The following SULT2B1 variants were observed in gnomAD, a reference collection of about 807,000 sequenced individuals.
SULT2B1 encodes sulfotransferase 2B1.
SULT2B1 carries 16 observed loss-of-function variants against 33.2 expected under a neutral mutation model. The ratio of observed to expected loss-of-function variants is 0.48; its 90% confidence interval spans 0.33 to 0.73. The LOEUF is 0.73. Among genes scored for constraint, SULT2B1 ranks in the 30% least tolerant of loss-of-function variants. SULT2B1 has a pLI of 0.02. For synonymous variants in SULT2B1, 186 were observed against 200.5 expected (o/e 0.93, Z 0.61); for missense variants, 500 against 506.0 (o/e 0.99, Z 0.11).
At chr19:48,553,394 G>A (rs1287810394) in intron 1 of SULT2B1, among the ~76,000 whole-genome samples, 3 of 152,132 alleles carry the variant, frequency 2.0e-5, no homozygotes, top group African/African-American at 4.8e-5. Flanking sequence ...TGCAGCCTCC[G>A]CGTCCTGGGT....
chr19:48,578,709 T>C (rs891983334), intron 2 of SULT2B1, among the ~76,000 whole-genome samples: 2 of 151,762 alleles, frequency 1.3e-5, no homozygotes, highest in African/African-American at 4.8e-5. Flanking sequence ...AAACCCCGTG[T>C]CTACTAAAAA....
chr19:48,577,352 CTTTTTT>C (rs1209521675), intron 2 of SULT2B1, among the ~76,000 whole-genome samples: 9 of 30,646 alleles, frequency 2.9e-4, no homozygotes, highest in Admixed American at 5.4e-4. Context: ...ACTGAGCCGT[CTTTTTT>C]TTTTTTTTTT....
chr19:48,579,038 G>C (rs975620887), intron 2 of SULT2B1, among the ~76,000 whole-genome samples: 1 of 151,890 alleles, frequency 6.6e-6, no homozygotes, highest in Non-Finnish European at 1.5e-5. Context: ...TCTATTTTGG[G>C]CATTTCATGG....
At chr19:48,598,578 C>T (rs575085170) in intron 6 of SULT2B1, among the ~76,000 whole-genome samples, 5 of 152,104 alleles carry the variant, frequency 3.3e-5, no homozygotes, top group African/African-American at 1.2e-4. Flanking sequence ...AGCGAGACTC[C>T]ATCTCAAAAA....
chr19:48,572,401 T>C (rs1973343148), intron 1 of SULT2B1, among the ~76,000 whole-genome samples: 2 of 152,026 alleles, frequency 1.3e-5, no homozygotes, highest in Admixed American at 1.3e-4. Flanking sequence ...TAGTGCTAGC[T>C]ACTAGGGAGG....
intron 3 of SULT2B1, among the ~76,000 whole-genome samples, chr19:48,588,349 C>G (rs1973594046): frequency 6.6e-6 from 1 of 151,484 alleles, no homozygotes; most frequent in Non-Finnish European, 1.5e-5. Flanking sequence ...CCTGTCTCTA[C>G]TAAAAATACA....
intron 1 of SULT2B1, among the ~76,000 whole-genome samples, chr19:48,569,359 A>ATATATAT (rs1568405746): frequency 6.6e-4 from 10 of 15,084 alleles, no homozygotes; most frequent in African/African-American, 4.1e-3. Flanking sequence ...AAAAAAAAAA[A>ATATATAT]AAACATATAT....
intron 1 of SULT2B1, among the ~76,000 whole-genome samples, chr19:48,574,253 C>T (rs1317553792): frequency 6.6e-6 from 1 of 152,154 alleles, no homozygotes; most frequent in Non-Finnish European, 1.5e-5. Flanking sequence ...TCCTTTTGTC[C>T]TGGTAAACCC....
At position 48,592,771 on chromosome 19, in the gene SULT2B1, G is replaced by C. The variant is rs16982159; in HGVS notation, c.600G>C (p.Lys200Asn). 10 of 1,596,390 alleles carry C rather than the reference G, an allele frequency of 6.3e-6. No homozygotes were observed. The African/African-American group carries it at 1.3e-4, about 21-fold the overall frequency. Residue 200 changes from lysine (K) to asparagine (N), a missense_variant, in exon 5 of 7, where the codon AAG becomes AAC. Transcript: ENST00000201586. The stretch of plus-strand genomic sequence containing the variant: ...ACATTAAGGGCTGGCTTCGGATGAA[G>C]GGCAAAGACAACTTCCTATTTATCA... ...FDHIKGWLRMKGKDNFLFITY... is the reference protein window; with the variant it reads ...FDHIKGWLRMNGKDNFLFITY...
At chr19:48,592,033 C>A (rs922731156) in intron 4 of SULT2B1, among the ~76,000 whole-genome samples, 3 of 152,020 alleles carry the variant, frequency 2.0e-5, no homozygotes, top group Admixed American at 6.6e-5. Context: ...GTGGCTCATG[C>A]GTGTAATCCC....
At chr19:48,571,695 C>T (rs1018878064) in intron 1 of SULT2B1, among the ~76,000 whole-genome samples, 26 of 85,246 alleles carry the variant, frequency 3.0e-4, no homozygotes, top group Admixed American at 7.7e-4. Context: ...TACATGCAAG[C>T]GGAGAAGATG....
At chr19:48,560,564 T>C (rs1214510965) in intron 1 of SULT2B1, among the ~76,000 whole-genome samples, 4 of 151,292 alleles carry the variant, frequency 2.6e-5, no homozygotes, top group East Asian at 3.8e-4. Flanking sequence ...AAACATTTTC[T>C]CGTAGCCACC....
chr19:48,576,406 A>C (rs1232240658), intron 2 of SULT2B1, among the ~76,000 whole-genome samples: 1 of 111,238 alleles, frequency 9.0e-6, no homozygotes, highest in Admixed American at 1.2e-4. Flanking sequence ...TACATTGCCC[A>C]GGCTGGTCTT....
At chr19:48,588,434 C>T (rs1053245818) in intron 3 of SULT2B1, among the ~76,000 whole-genome samples, 7 of 151,640 alleles carry the variant, frequency 4.6e-5, no homozygotes, top group African/African-American at 1.7e-4. Flanking sequence ...ATCGCTTGAA[C>T]CCAGGAGGCG....
At chr19:48,573,037 G>A (rs1973350614) in intron 1 of SULT2B1, among the ~76,000 whole-genome samples, 1 of 151,702 alleles carries the variant, frequency 6.6e-6, no homozygotes. Flanking sequence ...GGCACCTGTA[G>A]TCCCAGCTAA....
intron 1 of SULT2B1, among the ~76,000 whole-genome samples, chr19:48,571,203 A>AT (rs1195760066): frequency 6.2e-5 from 5 of 81,238 alleles, no homozygotes; most frequent in African/African-American, 3.0e-4. Context: ...TTATTTATTT[A>AT]TTTATTTATT....
intron 1 of SULT2B1, among the ~76,000 whole-genome samples, chr19:48,572,289 C>T (rs34107488): frequency 0.64 from 96,917 of 151,108 alleles, 31,797 homozygotes; most frequent in African/African-American, 0.74. Context: ...CCGAGGTGGG[C>T]GGATCATGAG....
At chr19:48,581,887 A>ATT (rs1426414893) in intron 2 of SULT2B1, among the ~76,000 whole-genome samples, 240 of 104,566 alleles carry the variant, frequency 2.3e-3, no homozygotes, top group African/African-American at 8.5e-3. Flanking sequence ...TATTATTATT[A>ATT]TTATATTATT....
Position 48,552,703 on chromosome 19 carries a change from C to A in SULT2B1, c.71+380C>A, listed in dbSNP as rs1973045555. Reference sequence around the variant, plus strand: ...ACAACAGCCTGTAGTACCCAGGACACCCCATGCAAGCCCTGAAATAACGGG... The same window carrying A: ...ACAACAGCCTGTAGTACCCAGGACAACCCATGCAAGCCCTGAAATAACGGG... On this transcript the variant is annotated intron_variant, in intron 1 of 6. Transcript: ENST00000201586. The surrounding 1 kb of genome is among the most constrained non-coding windows in gnomAD (Gnocchi z 4.8). Among the ~76,000 whole-genome samples the A allele has an allele frequency of 6.6e-6, 1 of 152,148 alleles. No individual in the cohort carries two copies.
Sources: gnomAD v4.1 joint callset for allele counts (sites outside exome capture counted in the v4.1 genomes callset) on GRCh38, gnomAD v4.1.1 for gene constraint, Gnocchi (gnomAD v3.1) non-coding constraint, MANE v1.5 for transcripts, NCBI Gene and HGNC (gene_info 2026-07-23, HGNC 2026-07-21) for gene names.